Variants in RBFOX3 observed in about 807,000 individuals in gnomAD.
The protein encoded by RBFOX3 is RNA binding fox-1 homolog 3.
In RBFOX3, 17 loss-of-function variants were observed where a neutral mutation model predicts 48.7. The ratio of observed to expected loss-of-function variants is 0.35; its 90% CI spans 0.24 to 0.52. The LOEUF (loss-of-function observed/expected upper bound fraction) is 0.52, where lower values mean the gene tolerates loss of function less well. RBFOX3 is among the 20% of genes least tolerant of loss of function. The probability of loss-of-function intolerance (pLI) is 0.94; values close to 1 mark genes in which losing one functional copy is unlikely to be tolerated. For synonymous variants in RBFOX3, 212 were observed against 209.5 expected (o/e 1.01, Z -0.10); for missense variants, 382 against 497.5 (o/e 0.77, Z 2.21).
rs750246330 is a variant in RBFOX3, at chr17:79,129,243, G to A, written c.-33-13495C>T. Among the ~76,000 whole-genome samples, 7 of 152,178 alleles carry A rather than the reference G, an allele frequency of 4.6e-5. No homozygotes were observed. The South Asian group carries it at 6.2e-4, about 14-fold the overall frequency. On this transcript the variant is annotated intron_variant, in intron 4 of 14. Coordinates refer to ENST00000693108, the MANE Select transcript of RBFOX3 (RefSeq NM_001350451.2). ...CATTATTTCATTTAATCTTCAATGCGCTAAACTGGCATTCTTGATGCAAGG... is the reference window on the plus strand; with the variant it reads ...CATTATTTCATTTAATCTTCAATGCACTAAACTGGCATTCTTGATGCAAGG...
chr17:79,497,811 G>A (rs1049956748), intron 1 of RBFOX3, among the ~76,000 whole-genome samples: 1 of 152,202 alleles, frequency 6.6e-6, no homozygotes, highest in East Asian at 1.9e-4. Flanking sequence ...GGAGCCAATG[G>A]CCACCCCAGC....
At chr17:79,134,615 C>T (rs1454686955) in intron 4 of RBFOX3, among the ~76,000 whole-genome samples, 1 of 152,228 alleles carries the variant, frequency 6.6e-6, no homozygotes, top group African/African-American at 2.4e-5. Flanking sequence ...TCCTGGGCTG[C>T]ACCCTGACCT....
Position 79,198,637 on chromosome 17 carries a change from T to A in RBFOX3, c.-34+37129A>T, listed in dbSNP as rs1292632995. On this transcript the variant is annotated intron_variant, in intron 4 of 14. Transcript: ENST00000693108. The surrounding 1 kb of genome is among the most constrained non-coding windows in gnomAD (Gnocchi z 8.2). ...TTTGAACTTTCTCTCTCTCTTTTTT[T>A]TTTTTTAAGATGGAGTCTTGCTCTG... is the stretch of plus-strand genomic sequence containing the variant. Among the ~76,000 whole-genome samples, 4 of 152,216 alleles carry A rather than the reference T, an allele frequency of 2.6e-5. No individual in the cohort carries two copies. In the East Asian group the frequency reaches 7.7e-4, roughly 29 times the overall value.
chr17:79,366,672 A>T lies in RBFOX3; in HGVS notation c.-174-58848T>A, dbSNP rs1047479391. On this transcript the variant is annotated intron_variant, in intron 2 of 14. Coordinates refer to ENST00000693108, the MANE Select transcript of RBFOX3 (RefSeq NM_001350451.2). ...CCGCCAGCCCAGCATCTGCTCAACT[A>T]GAGGAGGATGAATGCAGGGCCCCAG... Among the ~76,000 whole-genome samples, 79 of 152,186 alleles carry T rather than the reference A, an allele frequency of 5.2e-4. 1 individual carries two copies. The highest frequency in any genetic ancestry group is 7.6e-4 in the Non-Finnish European group (52 of 67,990).
chr17:79,090,680 T>C lies in RBFOX3; in HGVS notation c.*203A>G, dbSNP rs568703077. The C allele has an allele frequency of 3.1e-6, 2 of 641,806 alleles. No individual in the cohort carries two copies. Among genetic ancestry groups the C allele is most frequent in the East Asian group, 2.8e-5 (1 of 35,206 alleles). The allele number at this position is 641,806 out of a possible 1,614,324, so 39.8% of individuals were successfully genotyped here. Reference sequence around the variant, plus strand: ...GGCCGTCCTGTCCTGGGGCCGCTCCTCGGCGCCCCTGCCGGCGTGCTCCCT... The same window carrying C: ...GGCCGTCCTGTCCTGGGGCCGCTCCCCGGCGCCCCTGCCGGCGTGCTCCCT... On this transcript the variant is annotated 3_prime_UTR_variant, in exon 15 of 15. Transcript: ENST00000693108.
intron 2 of RBFOX3, among the ~76,000 whole-genome samples, chr17:79,356,156 C>T (rs1209665575): frequency 6.6e-6 from 1 of 152,020 alleles, no homozygotes; most frequent in Non-Finnish European, 1.5e-5. Context: ...CTTGAGCTGA[C>T]GTCGGTCCTG....
chr17:79,439,294 C>T (rs2070305836), intron 2 of RBFOX3, among the ~76,000 whole-genome samples: 1 of 152,230 alleles, frequency 6.6e-6, no homozygotes, highest in Admixed American at 6.5e-5. Context: ...CCTCCTGATG[C>T]CCATGCAGTG....
chr17:79,215,957 T>C (rs935700592), intron 4 of RBFOX3, among the ~76,000 whole-genome samples: 2 of 152,090 alleles, frequency 1.3e-5, no homozygotes, highest in African/African-American at 4.8e-5. Context: ...AGAGCCAGAG[T>C]CAGGTTTAAC....
rs370744994 is a variant in RBFOX3, at chr17:79,183,916, C to G, written c.-34+51850G>C. On this transcript the variant is annotated intron_variant, in intron 4 of 14. Transcript: ENST00000693108. ...GGCCCCTGCGCGCCCCTCCTCCCCC[C>G]CGTTGCCAGCACTTGCTCCTGGCCT... is the stretch of plus-strand genomic sequence containing the variant. Among the ~76,000 whole-genome samples, 1,085 of 152,354 alleles carry G rather than the reference C, an allele frequency of 7.1e-3. 13 individuals carry two copies. Among genetic ancestry groups the G allele is most frequent in the African/African-American group, 0.025 (1,040 of 41,590 alleles).
chr17:79,413,264 G>A (rs2064767749), intron 2 of RBFOX3, among the ~76,000 whole-genome samples: 1 of 152,196 alleles, frequency 6.6e-6, no homozygotes, highest in Admixed American at 6.5e-5. Flanking sequence ...AACTGCTCTG[G>A]TTACAAAGGC....
intron 4 of RBFOX3, among the ~76,000 whole-genome samples, chr17:79,158,821 T>G (rs2145202972): frequency 6.6e-6 from 1 of 152,300 alleles, no homozygotes; most frequent in East Asian, 1.9e-4. Context: ...GGGACCTGGC[T>G]CAGCCCACGT....
At chr17:79,275,968 A>T (rs1033702839) in intron 3 of RBFOX3, among the ~76,000 whole-genome samples, 1 of 152,146 alleles carries the variant, frequency 6.6e-6, no homozygotes, top group Admixed American at 6.5e-5. Context: ...ACGGGAAACA[A>T]CCCGAATGTC....
At chr17:79,635,244 G>A in the RBFOX3 span, among the ~76,000 whole-genome samples, 1 of 152,142 alleles carries the variant, frequency 6.6e-6, no homozygotes, top group Non-Finnish European at 1.5e-5. Flanking sequence ...GAGGGGGCAT[G>A]GAAGGCTTCC....
the RBFOX3 span, among the ~76,000 whole-genome samples, chr17:79,623,056 G>A: frequency 6.6e-6 from 1 of 152,064 alleles, no homozygotes; most frequent in African/African-American, 2.4e-5. Context: ...ACCTGACCGG[G>A]GAGCCAGAAA....
chr17:79,517,454 A>AC (rs1317397160), intron 1 of RBFOX3, among the ~76,000 whole-genome samples: 1 of 151,500 alleles, frequency 6.6e-6, no homozygotes, highest in African/African-American at 2.4e-5. Flanking sequence ...CAAAAAAAAA[A>AC]AAAAAAACAA....
chr17:79,630,998 G>C, the RBFOX3 span, among the ~76,000 whole-genome samples: 2 of 152,092 alleles, frequency 1.3e-5, no homozygotes, highest in Non-Finnish European at 2.9e-5. Flanking sequence ...GGCCAGGGAC[G>C]GCCGTCAGAG....
rs1362950098 is a variant in RBFOX3 at position 79,183,395 on chromosome 17, G to C, written c.-34+52371C>G. The C allele has an allele frequency of 2.6e-5, 4 of 152,374 alleles. No homozygotes were observed. In the East Asian group the frequency reaches 5.9e-4, roughly 22 times the overall value. The allele number at this position is 152,374 out of a possible 1,614,324, so 9.4% of individuals were successfully genotyped here. A position where few individuals can be genotyped will look rare whatever the true frequency, so the allele number is the denominator to read the frequency against. ...GGGCGGCAGGGGGGCGCCCGGCGGCGGCTCTGCGCTCGCTGCGTCCCTCGG... is the reference window on the plus strand; with the variant it reads ...GGGCGGCAGGGGGGCGCCCGGCGGCCGCTCTGCGCTCGCTGCGTCCCTCGG... On this transcript the variant is annotated intron_variant, in intron 4 of 14. Coordinates refer to ENST00000693108, the MANE Select transcript of RBFOX3 (RefSeq NM_001350451.2).
At chr17:79,611,276 G>C (rs2093967826), upstream of RBFOX3, among the ~76,000 whole-genome samples, 1 of 150,296 alleles carries the variant, frequency 6.7e-6, no homozygotes, top group Admixed American at 6.6e-5. Context: ...CGGCGCGGGC[G>C]GCGGTGGCAG....
At chr17:79,461,143 G>T (rs1363761310) in intron 2 of RBFOX3, among the ~76,000 whole-genome samples, 3 of 152,226 alleles carry the variant, frequency 2.0e-5, no homozygotes, top group African/African-American at 7.2e-5. Flanking sequence ...CCCCAAGGGG[G>T]TTGTTGGGGG....
Sources: allele counts gnomAD v4.1 joint callset (sites outside exome capture counted in the v4.1 genomes callset), GRCh38; gene constraint gnomAD v4.1.1; non-coding constraint Gnocchi (gnomAD v3.1); transcripts MANE v1.5; gene names NCBI Gene and HGNC (gene_info 2026-07-23, HGNC 2026-07-21).